Variants in AKAP7 observed in about 807,000 individuals in gnomAD.
AKAP7 encodes the protein A-kinase anchoring protein 7, also known as A kinase (PRKA) anchor protein 7.
AKAP7 carries 39 observed loss-of-function variants against 39.5 expected under a neutral mutation model. That is an observed-to-expected ratio of 0.99 (90% confidence interval 0.76 to 1.29). The LOEUF (loss-of-function observed/expected upper bound fraction) is 1.29. Among genes scored for constraint, AKAP7 ranks in the 50% most tolerant of loss-of-function variants. The probability of loss-of-function intolerance (pLI) is 0.00; values close to 1 mark genes in which losing one functional copy is unlikely to be tolerated. For missense variants in AKAP7, 414 were observed against 407.7 expected (o/e 1.02, Z -0.13); for synonymous variants, 140 against 139.1 (o/e 1.01, Z -0.05).
chr6:131,253,134 C>T (rs746374753), intron 7 of AKAP7: 1 of 1,596,260 alleles, frequency 6.3e-7, no homozygotes, highest in Admixed American at 1.7e-5. Context: ...CTCCCCTCTC[C>T]TGCTGCTATT....
chr6:131,220,813 AT>A (rs1453994023), intron 7 of AKAP7, among the ~76,000 whole-genome samples: 10 of 152,082 alleles, frequency 6.6e-5, no homozygotes, highest in Non-Finnish European at 1.5e-5. Flanking sequence ...GTGATCAGTG[AT>A]CTTTGATGTT....
chr6:131,130,575 C>T (rs1316136018), upstream of AKAP7, among the ~76,000 whole-genome samples: 1 of 152,202 alleles, frequency 6.6e-6, no homozygotes, highest in African/African-American at 2.4e-5. Context: ...GGATTACAAG[C>T]GTGAGCCACT....
intron 6 of AKAP7, among the ~76,000 whole-genome samples, chr6:131,211,721 C>T (rs1412072207): frequency 2.2e-5 from 3 of 138,838 alleles, no homozygotes; most frequent in Non-Finnish European, 4.5e-5. Context: ...TGCAGTGAGC[C>T]GAGATCACGC....
At chr6:131,188,953 T>C (rs540786633) in intron 5 of AKAP7, among the ~76,000 whole-genome samples, 9 of 152,334 alleles carry the variant, frequency 5.9e-5, no homozygotes, top group African/African-American at 1.9e-4. Context: ...AATAAACCTA[T>C]TGTAACTTGA....
intron 5 of AKAP7, among the ~76,000 whole-genome samples, chr6:131,178,425 A>T (rs1391648894): frequency 6.6e-6 from 1 of 152,122 alleles, no homozygotes; most frequent in Non-Finnish European, 1.5e-5. Context: ...AATGATAAAT[A>T]CTCCATTCCC....
intron 7 of AKAP7, among the ~76,000 whole-genome samples, chr6:131,251,253 A>G (rs1422366675): frequency 6.6e-6 from 1 of 152,198 alleles, no homozygotes; most frequent in Non-Finnish European, 1.5e-5. Context: ...ATTTGCACTG[A>G]ATTTTGTTCT....
intron 7 of AKAP7, among the ~76,000 whole-genome samples, chr6:131,224,882 C>G (rs1369144927): frequency 6.6e-6 from 1 of 151,696 alleles, no homozygotes; most frequent in African/African-American, 2.4e-5. Context: ...TCCCGAGTAG[C>G]TGGGACTACA....
At position 131,282,205 on chromosome 6, in the gene AKAP7, C is replaced by G; in HGVS notation, c.*479C>G. The G allele has an allele frequency of 1.5e-6, 2 of 1,299,084 alleles. No individual in the cohort carries two copies. Among genetic ancestry groups the G allele is most frequent in the Non-Finnish European group, 1.9e-6 (2 of 1,028,508 alleles). The allele number at this position is 1,299,084 out of a possible 1,614,324, so 80.5% of individuals were successfully genotyped here. A position where few individuals can be genotyped will look rare whatever the true frequency, so the allele number is the denominator to read the frequency against. On this transcript the variant is annotated 3_prime_UTR_variant, in exon 8 of 8. Transcript: ENST00000431975. ...TAGTCCATAATGTTTCATGTTTGTC[C>G]TAAGTGTGCTGTTGCTATGCAGTGT...
chr6:131,229,603 C>A (rs1009494851), intron 7 of AKAP7, among the ~76,000 whole-genome samples: 10 of 152,046 alleles, frequency 6.6e-5, no homozygotes, highest in African/African-American at 2.4e-4. Context: ...CCTTGGCCTC[C>A]CAAAGTGGCC....
intron 7 of AKAP7, among the ~76,000 whole-genome samples, chr6:131,238,688 G>T (rs1302300858): frequency 2.0e-5 from 3 of 152,062 alleles, no homozygotes; most frequent in Non-Finnish European, 4.4e-5. Context: ...TTTGATCTTT[G>T]TTGGTTTAAA....
At chr6:131,240,855 C>G (rs868776823) in intron 7 of AKAP7, among the ~76,000 whole-genome samples, 1 of 152,236 alleles carries the variant, frequency 6.6e-6, no homozygotes, top group Non-Finnish European at 1.5e-5. Flanking sequence ...TTGCACTTCC[C>G]GGGTGAGGTG....
chr6:131,213,719 A>G (rs1808890042), intron 6 of AKAP7, among the ~76,000 whole-genome samples: 1 of 152,166 alleles, frequency 6.6e-6, no homozygotes, highest in African/African-American at 2.4e-5. Flanking sequence ...AAGTATAACA[A>G]ACAGTTATGT....
intron 7 of AKAP7, among the ~76,000 whole-genome samples, chr6:131,260,183 TTTTC>T (rs1376159107): frequency 1.3e-5 from 2 of 152,216 alleles, no homozygotes; most frequent in Non-Finnish European, 2.9e-5. Context: ...ATGTACCACA[TTTTC>T]TTTATCTAGT....
intron 5 of AKAP7, among the ~76,000 whole-genome samples, chr6:131,174,003 T>C (rs1282199117): frequency 1.3e-5 from 2 of 152,190 alleles, no homozygotes; most frequent in African/African-American, 2.4e-5. Context: ...AGCCCGAAGA[T>C]GTTGGTTTGT....
chr6:131,229,379 C>T (rs766408675), intron 7 of AKAP7, among the ~76,000 whole-genome samples: 30 of 152,104 alleles, frequency 2.0e-4, no homozygotes, highest in Non-Finnish European at 3.1e-4. Flanking sequence ...GAGTCTGTCT[C>T]GTTGTGTTGC....
chr6:131,201,645 TTTTAGACATGAAGTCC>T (rs1585076317), intron 6 of AKAP7, among the ~76,000 whole-genome samples: 1 of 152,146 alleles, frequency 6.6e-6, no homozygotes, highest in East Asian at 1.9e-4. Flanking sequence ...GCTTTTGGTG[TTTTAGACATGAAGTCC>T]TTGCCCATGC....
upstream of AKAP7, among the ~76,000 whole-genome samples, chr6:131,133,831 A>C (rs1402204752): frequency 6.6e-6 from 1 of 152,240 alleles, no homozygotes; most frequent in Non-Finnish European, 1.5e-5. Flanking sequence ...TTTAACGATG[A>C]TAAAGTGTGG....
chr6:131,159,407 A>T (rs79922712), intron 2 of AKAP7, among the ~76,000 whole-genome samples: 2,137 of 152,102 alleles, frequency 0.014, 33 homozygotes, highest in African/African-American at 0.042. Flanking sequence ...ATCAGTTTTT[A>T]AAAAAAAATT....
chr6:131,129,590 T>A, the AKAP7 span, among the ~76,000 whole-genome samples: 1 of 152,216 alleles, frequency 6.6e-6, no homozygotes, highest in Non-Finnish European at 1.5e-5. Flanking sequence ...TAGTTAGAAA[T>A]ATTTAAAATA....
Sources: gnomAD v4.1 joint callset for allele counts (sites outside exome capture counted in the v4.1 genomes callset) on GRCh38, gnomAD v4.1.1 for gene constraint, MANE v1.5 for transcripts, NCBI Gene and HGNC (gene_info 2026-07-23, HGNC 2026-07-21) for gene names.